The following CCDC171 variants were observed in gnomAD, a reference collection of about 807,000 sequenced individuals.
CCDC171 encodes the protein coiled-coil domain containing 171.
A neutral mutation model predicts 168.2 loss-of-function variants in CCDC171; 177 were observed. The observed-to-expected ratio is 1.05, with a 90% CI of 0.93 to 1.19. The LOEUF is 1.19. Ranked by LOEUF, CCDC171 falls within the 50% of genes most tolerant of loss-of-function variation. The probability of loss-of-function intolerance (pLI) is 0.00; values close to 1 mark genes in which losing one functional copy is unlikely to be tolerated. For synonymous variants in CCDC171, 687 were observed against 540.8 expected (o/e 1.27, Z -3.75); for missense variants, 1,991 against 1,539.0 (o/e 1.29, Z -4.91).
chr9:16,020,098 A>G (rs922871458), intron 3 of CCDC171, among the ~76,000 whole-genome samples: 1 of 152,230 alleles, frequency 6.6e-6, no homozygotes, highest in Non-Finnish European at 1.5e-5. Context: ...TTTAAAATCC[A>G]AAAGCTCCAT....
At chr9:15,623,194 T>G in intron 6 of CCDC171, 73 bp from the exon 7 acceptor site, 1 of 1,058,648 alleles carries the variant, frequency 9.4e-7, no homozygotes, top group Non-Finnish European at 1.3e-6. Context: ...TTACTCACTG[T>G]CTTCTATTGG....
chr9:15,618,025 G>T (rs754931769), intron 6 of CCDC171, among the ~76,000 whole-genome samples: 2 of 152,188 alleles, frequency 1.3e-5, no homozygotes, highest in African/African-American at 4.8e-5. Context: ...TTAGGAGTGC[G>T]GGTGCGCTGT....
chr9:16,104,283 C>G, the CCDC171 span, among the ~76,000 whole-genome samples: 1 of 152,068 alleles, frequency 6.6e-6, no homozygotes, highest in Admixed American at 6.5e-5. Flanking sequence ...CTGCCTCCCC[C>G]TCCCCACGGC....
At chr9:15,674,239 T>C (rs2049347094) in intron 9 of CCDC171, among the ~76,000 whole-genome samples, 1 of 152,154 alleles carries the variant, frequency 6.6e-6, no homozygotes, top group Non-Finnish European at 1.5e-5. Context: ...GTCTATTTGA[T>C]TCTTCTCTCT....
intron 1 of CCDC171, among the ~76,000 whole-genome samples, chr9:16,043,254 G>A (rs1481731140): frequency 1.3e-5 from 2 of 152,128 alleles, no homozygotes; most frequent in Non-Finnish European, 2.9e-5. Context: ...CTTGCCTCTG[G>A]AGAGTAAAAT....
rs949438102 is a variant in CCDC171 at position 15,835,087 on chromosome 9, T to G, written c.3268-11615T>G. On this transcript the variant is annotated intron_variant, in intron 21 of 25. Transcript: ENST00000380701. ...AAGTCTTAAAAACAGGCAACTTTAA[T>G]TGGGGAGAGGGTTTGACAAAATCCT... Among the ~76,000 whole-genome samples the G allele has an allele frequency of 7.5e-4, 114 of 152,266 alleles. 1 individual carries two copies. The highest frequency in any genetic ancestry group is 2.5e-3 in the African/African-American group (105 of 41,558).
intron 4 of CCDC171, chr9:15,588,675 C>T (rs2041758458): frequency 4.7e-6 from 1 of 212,454 alleles, no homozygotes. Context: ...AAATATTTTT[C>T]AACCAAGTTT....
intron 1 of CCDC171, among the ~76,000 whole-genome samples, chr9:15,560,766 C>T (rs1019399674): frequency 3.8e-4 from 58 of 152,160 alleles, no homozygotes; most frequent in African/African-American, 1.2e-3. Flanking sequence ...CAGCTTTGTT[C>T]CGTTGCTGGT....
intron 24 of CCDC171, among the ~76,000 whole-genome samples, chr9:15,907,515 G>A (rs1303750988): frequency 6.6e-6 from 1 of 152,116 alleles, no homozygotes; most frequent in African/African-American, 2.4e-5. Context: ...ATTCAAGATG[G>A]ATTAAAGACT....
At position 15,847,150 on chromosome 9, in the gene CCDC171, A is replaced by G. The variant is rs115684455; in HGVS notation, c.3413+303A>G. On this transcript the variant is annotated intron_variant, in intron 22 of 25. Transcript: ENST00000380701. ...TTATTAATGTGAAATGTAAGACTCT[A>G]AAAGTTTTGCATAGTATCTTCTGTT... Among the ~76,000 whole-genome samples the G allele has an allele frequency of 2.8e-3, 432 of 152,176 alleles. 2 individuals are homozygous for G. The highest frequency in any genetic ancestry group is 9.9e-3 in the African/African-American group (410 of 41,552).
intron 3 of CCDC171, among the ~76,000 whole-genome samples, chr9:15,980,634 C>G (rs1014403688): frequency 2.0e-5 from 3 of 152,076 alleles, no homozygotes; most frequent in Non-Finnish European, 4.4e-5. Flanking sequence ...CCCTTTCAAG[C>G]TATAGAAGAA....
At chr9:15,892,557 A>G (rs1703326787) in intron 24 of CCDC171, among the ~76,000 whole-genome samples, 1 of 152,120 alleles carries the variant, frequency 6.6e-6, no homozygotes, top group South Asian at 2.1e-4. Flanking sequence ...GATGAAGCCA[A>G]CTTAATCTCA....
At chr9:15,590,091 A>G (rs1453495142) in intron 4 of CCDC171, among the ~76,000 whole-genome samples, 1 of 152,200 alleles carries the variant, frequency 6.6e-6, no homozygotes, top group African/African-American at 2.4e-5. Flanking sequence ...TCACGAGAAA[A>G]GAAAAATAGG....
At position 15,669,667 on chromosome 9, in the gene CCDC171, T is replaced by C. The variant is rs2048970660; in HGVS notation, c.1076+3344T>C. 3.3e-5 allele frequency among the ~76,000 whole-genome samples: 5 copies of C among 152,130 alleles called. No individual in the cohort carries two copies. In the South Asian group the frequency reaches 1.0e-3, roughly 32 times the overall value. On this transcript the variant is annotated intron_variant, in intron 9 of 25. Coordinates refer to ENST00000380701, the MANE Select transcript of CCDC171 (RefSeq NM_173550.4). ...GTGACAACTGATTGCTGGGCAATAG[T>C]AGGGAGAAAGAGATCATAGTAATCC...
intron 18 of CCDC171, among the ~76,000 whole-genome samples, chr9:15,747,289 G>A (rs540307993): frequency 2.6e-5 from 4 of 152,322 alleles, no homozygotes; most frequent in African/African-American, 2.4e-5. Context: ...CTGGGACAGA[G>A]CCCCTGGGGG....
At chr9:16,080,833 G>T in the CCDC171 span, among the ~76,000 whole-genome samples, 1 of 152,082 alleles carries the variant, frequency 6.6e-6, no homozygotes, top group Non-Finnish European at 1.5e-5. Flanking sequence ...AGGCATTTGG[G>T]CTTTTCTGCT....
At chr9:15,783,025 A>C (rs1185201896) in intron 20 of CCDC171, among the ~76,000 whole-genome samples, 4 of 152,166 alleles carry the variant, frequency 2.6e-5, no homozygotes, top group Admixed American at 6.6e-5. Context: ...TGGCTTTTAA[A>C]ATTTCTTCAT....
At chr9:15,907,830 A>C (rs769103499) in intron 24 of CCDC171, among the ~76,000 whole-genome samples, 13 of 152,216 alleles carry the variant, frequency 8.5e-5, no homozygotes, top group African/African-American at 2.9e-4. Flanking sequence ...CAACCCCATC[A>C]AAAAGTGGGC....
chr9:15,777,111 G>A (rs971095714), intron 18 of CCDC171, among the ~76,000 whole-genome samples: 9 of 152,124 alleles, frequency 5.9e-5, no homozygotes, highest in African/African-American at 9.7e-5. Flanking sequence ...AGGCCATGTT[G>A]GATATGCTGG....
Sources: allele counts gnomAD v4.1 joint callset (sites outside exome capture counted in the v4.1 genomes callset), GRCh38; gene constraint gnomAD v4.1.1; transcripts MANE v1.5; gene names NCBI Gene and HGNC (gene_info 2026-07-23, HGNC 2026-07-21).